SLC26A7: variants seen among roughly 807,000 people sequenced by gnomAD.
SLC26A7 encodes the protein solute carrier family 26 member 7, also known as anion exchange transporter.
A neutral mutation model predicts 82.5 loss-of-function variants in SLC26A7; 59 were observed. The ratio of observed to expected loss-of-function variants is 0.72; its 90% CI spans 0.58 to 0.89. The LOEUF (loss-of-function observed/expected upper bound fraction) is 0.89. Among genes scored for constraint, SLC26A7 ranks in the 40% least tolerant of loss-of-function variants. The pLI is 0.00. For synonymous variants in SLC26A7, 271 were observed against 274.3 expected (o/e 0.99, Z 0.12); for missense variants, 820 against 793.0 (o/e 1.03, Z -0.41).
In SLC26A7 at chr8:91,323,912, G is replaced by A. The variant is rs554215399; in HGVS notation, c.642+5532G>A. Among the ~76,000 whole-genome samples, 18 of 148,708 alleles carry A rather than the reference G, an allele frequency of 1.2e-4. No homozygotes were observed. In the South Asian group the frequency reaches 3.4e-3, roughly 28 times the overall value. On this transcript the variant is annotated intron_variant, in intron 5 of 18. Transcript: ENST00000276609. ...CGGCTCACTGCAACCTCCACCTCCCGGGTTCAATGGTTCAAGCAATTCTCG... is the reference window on the plus strand; with the variant it reads ...CGGCTCACTGCAACCTCCACCTCCCAGGTTCAATGGTTCAAGCAATTCTCG...
intron 4 of SLC26A7, among the ~76,000 whole-genome samples, chr8:91,316,240 C>T (rs528445883): frequency 2.4e-4 from 37 of 152,080 alleles, no homozygotes; most frequent in African/African-American, 6.0e-4. Context: ...TCCTTCCCTC[C>T]GATTTCTTTA....
chr8:91,374,422 T>C (rs185688048), intron 15 of SLC26A7, among the ~76,000 whole-genome samples: 2 of 152,114 alleles, frequency 1.3e-5, no homozygotes, highest in Admixed American at 1.3e-4. Context: ...TTTGTTATGT[T>C]GTATCTCTAT....
At chr8:91,282,433 CA>C (rs1811599253) in intron 2 of SLC26A7, among the ~76,000 whole-genome samples, 1 of 152,138 alleles carries the variant, frequency 6.6e-6, no homozygotes, top group Non-Finnish European at 1.5e-5. Context: ...TTCTGCTGGC[CA>C]AAATCCTCCT....
chr8:91,220,265 G>A (rs1369808311), intron 2 of SLC26A7, among the ~76,000 whole-genome samples: 2 of 152,116 alleles, frequency 1.3e-5, no homozygotes, highest in African/African-American at 2.4e-5. Context: ...TGCGTTACAG[G>A]GGTAAAGTAT....
chr8:91,291,016 G>C (rs1012669255), intron 3 of SLC26A7, among the ~76,000 whole-genome samples: 1 of 151,782 alleles, frequency 6.6e-6, no homozygotes, highest in East Asian at 1.9e-4. Context: ...TAAGATCTCT[G>C]TTTTTATTTA....
At chr8:91,281,666 A>G (rs1811577597) in intron 2 of SLC26A7, among the ~76,000 whole-genome samples, 7 of 152,250 alleles carry the variant, frequency 4.6e-5, no homozygotes, top group Admixed American at 3.9e-4. Flanking sequence ...ATCAAGGTAT[A>G]TATGTATGTG....
At chr8:91,381,616 G>GGCGCTTT (rs1316639747) in intron 15 of SLC26A7, among the ~76,000 whole-genome samples, 18 of 152,202 alleles carry the variant, frequency 1.2e-4, no homozygotes, top group Middle Eastern at 3.4e-3. Flanking sequence ...GTAGCTGATG[G>GGCGCTTT]GCATGATCAC....
chr8:91,306,097 T>C (rs1812297001), intron 4 of SLC26A7, among the ~76,000 whole-genome samples: 1 of 152,238 alleles, frequency 6.6e-6, no homozygotes, highest in Non-Finnish European at 1.5e-5. Flanking sequence ...TTACTCACTT[T>C]TGGCTAGTTT....
chr8:91,305,096 T>C (rs1238610666), intron 4 of SLC26A7, among the ~76,000 whole-genome samples: 1 of 152,194 alleles, frequency 6.6e-6, no homozygotes, highest in Non-Finnish European at 1.5e-5. Context: ...ACTGTGAGTC[T>C]CTATAGAACA....
At chr8:91,239,555 A>G (rs1222444993) in intron 2 of SLC26A7, among the ~76,000 whole-genome samples, 1 of 151,914 alleles carries the variant, frequency 6.6e-6, no homozygotes, top group East Asian at 1.9e-4. Flanking sequence ...AAATTGCCTT[A>G]GATTAAAAGT....
intron 5 of SLC26A7, among the ~76,000 whole-genome samples, chr8:91,322,319 C>G (rs896978300): frequency 6.6e-6 from 1 of 151,960 alleles, no homozygotes; most frequent in African/African-American, 2.4e-5. Context: ...GTTATAAACC[C>G]ATTTAATAAA....
chr8:91,288,028 A>G (rs1340271929), intron 2 of SLC26A7, among the ~76,000 whole-genome samples: 1 of 152,228 alleles, frequency 6.6e-6, no homozygotes, highest in African/African-American at 2.4e-5. Flanking sequence ...TCATTGGTTA[A>G]CTTTTCATGT....
intron 2 of SLC26A7, among the ~76,000 whole-genome samples, chr8:91,226,159 G>A (rs566428709): frequency 1.3e-5 from 2 of 152,124 alleles, no homozygotes; most frequent in South Asian, 4.1e-4. Flanking sequence ...ACCACACCTC[G>A]GTGGGTAGTA....
intron 14 of SLC26A7, among the ~76,000 whole-genome samples, chr8:91,367,352 T>A (rs1055035442): frequency 6.6e-6 from 1 of 152,230 alleles, no homozygotes; most frequent in African/African-American, 2.4e-5. Flanking sequence ...GATTTAACTC[T>A]AAACGTGATA....
chr8:91,298,444 G>C (rs969744549), intron 4 of SLC26A7, among the ~76,000 whole-genome samples: 2 of 151,890 alleles, frequency 1.3e-5, no homozygotes, highest in Non-Finnish European at 2.9e-5. Context: ...TTCCTCCAAT[G>C]TCTTGTATGT....
chr8:91,274,889 A>T lies in SLC26A7; in HGVS notation c.194-14247A>T, dbSNP rs186189606. ...GAAATCTTTCAAAAACAATTCGGTT[A>T]GACAAATTCTAGACATCTTTTTTAA... On this transcript the variant is annotated intron_variant, in intron 2 of 18. Coordinates refer to ENST00000276609, the MANE Select transcript of SLC26A7 (RefSeq NM_052832.4). Among the ~76,000 whole-genome samples, 14 of 152,340 alleles carry T rather than the reference A, an allele frequency of 9.2e-5. No individual in the cohort carries two copies. The East Asian group carries it at 2.7e-3, about 29-fold the overall frequency.
chr8:91,217,573 G>A (rs1195843536), intron 1 of SLC26A7, among the ~76,000 whole-genome samples: 1 of 152,110 alleles, frequency 6.6e-6, no homozygotes, highest in African/African-American at 2.4e-5. Flanking sequence ...TCAGAGGGAA[G>A]CAATTGAGTC....
At position 91,251,409 on chromosome 8, in the gene SLC26A7, T is replaced by G. The variant is rs374672608; in HGVS notation, c.193+1565T>G. ...TGTCTTGGGAAGTTATGAATCTGGC[T>G]GCTGATTCTCTTGGAAGGCTACCAG... is the stretch of plus-strand genomic sequence containing the variant. On this transcript the variant is annotated intron_variant, in intron 2 of 18. Transcript: ENST00000276609. 1.3e-3 allele frequency among the ~76,000 whole-genome samples: 204 copies of G among 152,230 alleles called. 1 individual carries two copies. The highest frequency in any genetic ancestry group is 4.8e-3 in the African/African-American group (200 of 41,568).
At chr8:91,340,707 A>G (rs1813385495) in intron 8 of SLC26A7, 156 bp downstream of exon 8, 2 of 853,280 alleles carry the variant, frequency 2.3e-6, no homozygotes. Flanking sequence ...AAAATCATTC[A>G]TAGGAAGCTA....
Sources: gnomAD v4.1 joint callset for allele counts (sites outside exome capture counted in the v4.1 genomes callset) on GRCh38, gnomAD v4.1.1 for gene constraint, MANE v1.5 for transcripts, NCBI Gene and HGNC (gene_info 2026-07-23, HGNC 2026-07-21) for gene names.